Variants in MTMR3 observed in about 807,000 individuals in gnomAD.
MTMR3 encodes myotubularin related protein 3, also known as phosphatidylinositol-3,5-bisphosphate 3-phosphatase MTMR3.
Under a neutral mutation model 132.4 loss-of-function variants are expected in MTMR3, and 32 were observed. The ratio of observed to expected loss-of-function variants is 0.24; its 90% CI spans 0.18 to 0.32. The LOEUF is 0.32. Among genes scored for constraint, MTMR3 ranks in the 10% least tolerant of loss-of-function variants. The probability of loss-of-function intolerance (pLI) is 1.00; values close to 1 mark genes in which losing one functional copy is unlikely to be tolerated. For missense variants in MTMR3, 1,216 were observed against 1,489.6 expected (o/e 0.82, Z 3.02); for synonymous variants, 556 against 550.3 (o/e 1.01, Z -0.14).
chr22:29,941,292 T>A (rs1254633675), intron 1 of MTMR3, among the ~76,000 whole-genome samples: 1 of 152,208 alleles, frequency 6.6e-6, no homozygotes, highest in Non-Finnish European at 1.5e-5. Flanking sequence ...TACCACAATT[T>A]GTTTATCTGA....
chr22:30,023,158 A>G, intron 19 of MTMR3: 1 of 461,392 alleles, frequency 2.2e-6, no homozygotes, highest in Non-Finnish European at 3.9e-6. Context: ...AGCTGAGGAC[A>G]GTCTTCCAAT....
intron 8 of MTMR3, chr22:30,001,519 C>G (rs1047392827): frequency 2.0e-4 from 31 of 152,246 alleles, no homozygotes; most frequent in African/African-American, 6.8e-4. Context: ...CTCCACTGCT[C>G]TCTAGCCCGG....
chr22:30,015,488 T>TCCTCCCTCCCTC (rs200925731), intron 14 of MTMR3: 1 of 129,778 alleles, frequency 7.7e-6, no homozygotes, highest in African/African-American at 2.9e-5. Context: ...TCGTCAAGTC[T>TCCTCCCTCCCTC]CCTCCCTCCC....
intron 1 of MTMR3, among the ~76,000 whole-genome samples, chr22:29,939,249 G>A (rs953387802): frequency 6.6e-6 from 1 of 152,124 alleles, no homozygotes; most frequent in African/African-American, 2.4e-5. Flanking sequence ...CCTAACTTAA[G>A]GTCTGGTTAA....
chr22:29,994,341 A>G (rs1419081569), intron 7 of MTMR3: 2 of 160,164 alleles, frequency 1.2e-5, no homozygotes, highest in Non-Finnish European at 1.3e-5. Flanking sequence ...CCTTTTATGT[A>G]TATTCGCTGT....
intron 3 of MTMR3, among the ~76,000 whole-genome samples, chr22:29,972,045 A>T (rs1461811530): frequency 6.6e-6 from 1 of 152,250 alleles, no homozygotes; most frequent in African/African-American, 2.4e-5. Context: ...TAAAAGGAAG[A>T]GAAAGGTAAC....
chr22:29,897,402 A>G (rs2064922864), intron 1 of MTMR3, among the ~76,000 whole-genome samples: 2 of 152,084 alleles, frequency 1.3e-5, no homozygotes, highest in Admixed American at 1.3e-4. Flanking sequence ...AGATGCTGAC[A>G]TCTTGTCAGA....
intron 12 of MTMR3, chr22:30,009,386 T>C: frequency 2.4e-6 from 1 of 411,628 alleles, no homozygotes; most frequent in Admixed American, 4.0e-5. Flanking sequence ...ACAGAAGAAA[T>C]CTCAGCATCA....
At chr22:29,910,966 C>A (rs1468047182) in intron 1 of MTMR3, among the ~76,000 whole-genome samples, 1 of 152,132 alleles carries the variant, frequency 6.6e-6, no homozygotes, top group East Asian at 1.9e-4. Flanking sequence ...ATCCTTAAAT[C>A]ATATTTTTTG....
At chr22:29,988,610 T>C in intron 6 of MTMR3, 48 bp downstream of exon 6, 1 of 1,394,536 alleles carries the variant, frequency 7.2e-7, no homozygotes, top group Non-Finnish European at 1.0e-6. Context: ...GGAAAATATT[T>C]TTTAAAGAAT....
intron 3 of MTMR3, among the ~76,000 whole-genome samples, chr22:29,972,134 A>G (rs982748164): frequency 2.0e-5 from 3 of 152,344 alleles, no homozygotes; most frequent in Admixed American, 6.5e-5. Flanking sequence ...ATACCTAAAC[A>G]TTGATGAACT....
intron 1 of MTMR3, among the ~76,000 whole-genome samples, chr22:29,955,120 G>T (rs558726452): frequency 6.6e-6 from 1 of 152,124 alleles, no homozygotes; most frequent in Non-Finnish European, 1.5e-5. Flanking sequence ...CTTCTGAGTA[G>T]CTAGGACCAC....
At chr22:29,899,580 A>C (rs1198340294) in intron 1 of MTMR3, 1 of 152,218 alleles carries the variant, frequency 6.6e-6, no homozygotes, top group Non-Finnish European at 1.5e-5. Context: ...TACTACTGTA[A>C]TAATTAAGAA....
chr22:30,022,085 C>T lies in MTMR3; in HGVS notation c.3282C>T (p.Ser1094=). Residue 1094 remains serine, a synonymous_variant, in exon 18 of 20, where the codon AGC becomes AGT. Transcript: ENST00000401950. ...ATCAGAACTGTTTGTCTCGCTGCAG[C>T]ACAGAGATTTTCTCTGAAGCCAGCT... ...NLDQNCLSRC[S]TEIFSEASWE... is the part of the protein sequence containing the mutation. The T allele has an allele frequency of 6.2e-7, 1 of 1,614,214 alleles. No homozygotes were observed. The highest frequency in any genetic ancestry group is 8.5e-7 in the Non-Finnish European group (1 of 1,180,036).
At chr22:30,005,485 C>A (rs953931625) in intron 9 of MTMR3, 14 of 152,220 alleles carry the variant, frequency 9.2e-5, no homozygotes, top group Admixed American at 7.2e-4. Flanking sequence ...AAAGGCCCAA[C>A]CAGCCTCTTG....
At chr22:30,007,754 A>G in intron 10 of MTMR3, 147 bp from the exon 11 acceptor site, 1 of 951,508 alleles carries the variant, frequency 1.1e-6, no homozygotes, top group Non-Finnish European at 1.5e-6. Context: ...AAAAAAAGAG[A>G]AAAATCCTAT....
intron 1 of MTMR3, among the ~76,000 whole-genome samples, chr22:29,884,499 C>G (rs2064625632): frequency 6.7e-6 from 1 of 149,274 alleles, no homozygotes. Flanking sequence ...AGAAAGTCTT[C>G]CCTTTATAGG....
chr22:29,971,443 A>T (rs2066533770), intron 3 of MTMR3, among the ~76,000 whole-genome samples: 1 of 152,164 alleles, frequency 6.6e-6, no homozygotes, highest in African/African-American at 2.4e-5. Context: ...GTAAGATGGT[A>T]ATCTGCATAT....
chr22:30,005,953 A>G (rs1321672222), intron 9 of MTMR3: 2 of 152,350 alleles, frequency 1.3e-5, no homozygotes, highest in South Asian at 4.1e-4. Context: ...CTACGAGTTT[A>G]TAATAGTCAC....
Sources: gnomAD v4.1 joint callset for allele counts (sites outside exome capture counted in the v4.1 genomes callset) on GRCh38, gnomAD v4.1.1 for gene constraint, MANE v1.5 for transcripts, NCBI Gene and HGNC (gene_info 2026-07-23, HGNC 2026-07-21) for gene names.